The following GRIK3 variants were observed in gnomAD, a reference collection of about 807,000 sequenced individuals.
GRIK3 encodes glutamate receptor ionotropic, kainate 3.
GRIK3 carries 29 observed loss-of-function variants against 102.5 expected under a neutral mutation model. That is an observed-to-expected ratio of 0.28 (90% confidence interval 0.21 to 0.39). The LOEUF is 0.39. Ranked by LOEUF, GRIK3 falls within the 10% of genes least tolerant of loss-of-function variation. The probability of loss-of-function intolerance (pLI) is 1.00; values close to 1 mark genes in which losing one functional copy is unlikely to be tolerated. For missense variants in GRIK3, 908 were observed against 1,252.4 expected, an observed-to-expected ratio of 0.73 and a Z score of 4.15; for synonymous variants, 511 against 504.9, an observed-to-expected ratio of 1.01 and a Z score of -0.16.
In GRIK3 at chr1:36,957,353, T is replaced by C. The variant is rs59570508; in HGVS notation, c.116-66257A>G. 6.4e-3 allele frequency among the ~76,000 whole-genome samples: 945 copies of C among 148,254 alleles called. 13 individuals are homozygous for C. The highest frequency in any genetic ancestry group is 0.022 in the African/African-American group (900 of 40,144). On this transcript the variant is annotated intron_variant, in intron 1 of 15. Transcript: ENST00000373091. ...TGAGCCTGTGTACCCAGTGAGCCTA[T>C]GCCCCCTGAGTCTGTGCCCTGTGAG...
intron 9 of GRIK3, among the ~76,000 whole-genome samples, chr1:36,844,363 G>A (rs1351677558): frequency 6.6e-6 from 1 of 152,244 alleles, no homozygotes; most frequent in Non-Finnish European, 1.5e-5. Context: ...GTGGGGCCTG[G>A]GAAAAGTGCT....
At position 36,859,116 on chromosome 1, in the gene GRIK3, T is replaced by C; in HGVS notation, c.1096A>G (p.Ile366Val). The C allele has an allele frequency of 1.2e-6, 2 of 1,608,506 alleles. No homozygotes were observed. Among genetic ancestry groups the C allele is most frequent in the Non-Finnish European group, 1.7e-6 (2 of 1,175,906 alleles). Residue 366 changes from isoleucine (I) to valine (V), a missense_variant, in exon 7 of 16, where the codon ATC becomes GTC. Transcript: ENST00000373091. The part of the protein sequence containing the change: ...WRFGGRFMNF[I>V]KEAQWEGLTG... The stretch of plus-strand genomic sequence containing the variant: ...GGCTGTGGGGCACTCACCTCCTTGA[T>C]GAAGTTCATGAAGCGGCCGCCAAAG...
At chr1:36,884,971 G>A (rs757067207) in intron 2 of GRIK3, among the ~76,000 whole-genome samples, 1 of 152,228 alleles carries the variant, frequency 6.6e-6, no homozygotes, top group Non-Finnish European at 1.5e-5. Context: ...TGATGCAGAG[G>A]ATTGTAAGAG....
chr1:37,018,827 G>GA (rs11295744), intron 1 of GRIK3, among the ~76,000 whole-genome samples: 42 of 150,724 alleles, frequency 2.8e-4, no homozygotes, highest in East Asian at 1.6e-3. Flanking sequence ...TTGTCTCCAT[G>GA]AAAAAAAAAC....
At position 36,819,393 on chromosome 1, in the gene GRIK3, G is replaced by T. The variant is rs1050813654; in HGVS notation, c.1873+343C>A. Among the ~76,000 whole-genome samples, 1 of 152,240 alleles carries T rather than the reference G, an allele frequency of 6.6e-6. No individual in the cohort carries two copies. The highest frequency in any genetic ancestry group is 1.5e-5 in the Non-Finnish European group (1 of 68,044). Reference sequence around the variant, plus strand: ...ACAGCCCAACTTGCTCAGCTGGATTGTGTGGTGATGAGGCCATGGGCAGGG... The same window carrying T: ...ACAGCCCAACTTGCTCAGCTGGATTTTGTGGTGATGAGGCCATGGGCAGGG... On this transcript the variant is annotated intron_variant, in intron 12 of 15. Coordinates refer to ENST00000373091, the MANE Select transcript of GRIK3 (RefSeq NM_000831.4). The surrounding 1 kb of genome is among the most constrained non-coding windows in gnomAD (Gnocchi z 4.1).
At position 36,806,372 on chromosome 1, in the gene GRIK3, A is replaced by G; in HGVS notation, c.2092-46T>C. On this transcript the variant is annotated intron_variant, in intron 13 of 15. Coordinates refer to ENST00000373091, the MANE Select transcript of GRIK3 (RefSeq NM_000831.4). This position sits in a 1 kb window ranked among gnomAD's most constrained non-coding sequence, Gnocchi z 4.0. ...TGATGCACACACCGTTACTAGGCGC[A>G]CCAGGGACCAAGCACCGCATACCCT... 1 of 1,264,826 alleles carries G rather than the reference A, an allele frequency of 7.9e-7. No homozygotes were observed. The highest frequency in any genetic ancestry group is 1.1e-6 in the Non-Finnish European group (1 of 879,174). 78.4% of individuals were successfully genotyped at this position (1,264,826 alleles called of 1,614,324 possible). A position where few individuals can be genotyped will look rare whatever the true frequency, so the allele number is the denominator to read the frequency against.
chr1:36,937,124 G>A (rs1248745150), intron 1 of GRIK3, among the ~76,000 whole-genome samples: 4 of 152,182 alleles, frequency 2.6e-5, no homozygotes, highest in Admixed American at 2.6e-4. Flanking sequence ...CCAGAAGGAT[G>A]GCACTGTGGA....
rs1010634279 is a variant in GRIK3 at position 36,848,002 on chromosome 1, T to C, written c.1326+2309A>G. ...CCAGCAGGATACTGGGAATGCAACC[T>C]CTGGGGATTCAGTGAGCACAGCAGG... On this transcript the variant is annotated intron_variant, in intron 9 of 15. Coordinates refer to ENST00000373091, the MANE Select transcript of GRIK3 (RefSeq NM_000831.4). Among the ~76,000 whole-genome samples, 5 of 152,198 alleles carry C rather than the reference T, an allele frequency of 3.3e-5. No individual in the cohort carries two copies. In the South Asian group the frequency reaches 6.2e-4, roughly 19 times the overall value.
intron 3 of GRIK3, among the ~76,000 whole-genome samples, chr1:36,875,847 A>G (rs185621914): frequency 6.6e-6 from 1 of 152,350 alleles, no homozygotes; most frequent in African/African-American, 2.4e-5. Flanking sequence ...ATAGAAAGAG[A>G]TAACAACTGC....
chr1:36,848,785 G>T (rs1557701577), intron 9 of GRIK3, among the ~76,000 whole-genome samples: 6 of 140,564 alleles, frequency 4.3e-5, no homozygotes, highest in Non-Finnish European at 6.2e-5. Flanking sequence ...TACATCACAG[G>T]TTTTTTTTTT....
At chr1:36,973,382 CTTT>C (rs1416178218) in intron 1 of GRIK3, among the ~76,000 whole-genome samples, 1 of 148,766 alleles carries the variant, frequency 6.7e-6, no homozygotes, top group Non-Finnish European at 1.5e-5. Context: ...CCTACTCCTT[CTTT>C]GAGTGTCAGC....
At chr1:36,916,130 G>A (rs544060283) in intron 1 of GRIK3, among the ~76,000 whole-genome samples, 1 of 152,176 alleles carries the variant, frequency 6.6e-6, no homozygotes, top group Non-Finnish European at 1.5e-5. Context: ...CTGGAGCAAA[G>A]CTGACTTGCT....
chr1:36,938,767 T>C (rs571740392), intron 1 of GRIK3, among the ~76,000 whole-genome samples: 8 of 152,258 alleles, frequency 5.3e-5, no homozygotes, highest in African/African-American at 1.7e-4. Flanking sequence ...ACAGTGACTG[T>C]TGGGGGGTTG....
At chr1:36,933,872 C>A (rs1226052281) in intron 1 of GRIK3, among the ~76,000 whole-genome samples, 1 of 152,184 alleles carries the variant, frequency 6.6e-6, no homozygotes, top group East Asian at 1.9e-4. Flanking sequence ...CTTCGACCTT[C>A]TGCTTTTCCC....
intron 1 of GRIK3, among the ~76,000 whole-genome samples, chr1:36,930,750 C>T (rs1641579288): frequency 6.6e-6 from 1 of 152,228 alleles, no homozygotes; most frequent in Admixed American, 6.5e-5. Context: ...GAATGGGCTC[C>T]TTATAGCCCC....
intron 1 of GRIK3, among the ~76,000 whole-genome samples, chr1:36,899,016 T>C (rs1641203886): frequency 6.6e-6 from 1 of 152,144 alleles, no homozygotes; most frequent in South Asian, 2.1e-4. Flanking sequence ...CTTAACACCA[T>C]ATACAAAAAC....
At position 36,819,510 on chromosome 1, in the gene GRIK3, T is replaced by C. The variant is rs1642673438; in HGVS notation, c.1873+226A>G. On this transcript the variant is annotated intron_variant, in intron 12 of 15. Transcript: ENST00000373091. The surrounding 1 kb of genome is among the most constrained non-coding windows in gnomAD (Gnocchi z 4.1). ...GCATGCCCTGGGCTGGGTGGTTTTCTTAGCTTTAGACCCTGAGCCAGCTCC... is the reference window on the plus strand; with the variant it reads ...GCATGCCCTGGGCTGGGTGGTTTTCCTAGCTTTAGACCCTGAGCCAGCTCC... 6.6e-6 allele frequency among the ~76,000 whole-genome samples: 1 copy of C among 152,190 alleles called. No individual in the cohort carries two copies. The highest frequency in any genetic ancestry group is 1.5e-5 in the Non-Finnish European group (1 of 68,030).
chr1:36,827,030 C>T (rs1480764131), intron 10 of GRIK3, among the ~76,000 whole-genome samples: 1 of 152,176 alleles, frequency 6.6e-6, no homozygotes, highest in Non-Finnish European at 1.5e-5. Context: ...TTCTTATAGT[C>T]TCATTCCCAC....
chr1:36,832,912 C>A (rs553935816), intron 10 of GRIK3, among the ~76,000 whole-genome samples: 1 of 152,190 alleles, frequency 6.6e-6, no homozygotes, highest in Non-Finnish European at 1.5e-5. Flanking sequence ...GCCCCCCTGC[C>A]CCCAAGGCTA....
Sources: allele counts gnomAD v4.1 joint callset (sites outside exome capture counted in the v4.1 genomes callset), GRCh38; gene constraint gnomAD v4.1.1; non-coding constraint Gnocchi (gnomAD v3.1); transcripts MANE v1.5; gene names NCBI Gene and HGNC (gene_info 2026-07-23, HGNC 2026-07-21).